IL23R: variants seen among roughly 807,000 people sequenced by gnomAD.
The protein encoded by IL23R is interleukin 23 receptor.
A neutral mutation model predicts 56.9 loss-of-function variants in IL23R; 34 were observed. That is an observed-to-expected ratio of 0.60 (90% CI 0.45 to 0.80). IL23R has a LOEUF of 0.80. IL23R is among the 30% of genes least tolerant of loss of function. The pLI is 0.00. For missense variants in IL23R, 635 were observed against 730.0 expected (o/e 0.87, Z 1.50); for synonymous variants, 230 against 249.2 (o/e 0.92, Z 0.73).
At chr1:67,182,637 A>G (rs1647165102) in intron 3 of IL23R, among the ~76,000 whole-genome samples, 199 bp from the exon 4 acceptor site, 1 of 152,084 alleles carries the variant, frequency 6.6e-6, no homozygotes, top group South Asian at 2.1e-4. Context: ...CACTGCACCC[A>G]CTGTCCCGCA....
intron 9 of IL23R, among the ~76,000 whole-genome samples, chr1:67,241,466 A>G (rs1364944777): frequency 6.6e-6 from 1 of 152,088 alleles, no homozygotes; most frequent in Non-Finnish European, 1.5e-5. Context: ...GTCCAAAACA[A>G]TGGCCTCCCA....
chr1:67,218,139 C>T (rs1413882696), intron 6 of IL23R, among the ~76,000 whole-genome samples: 3 of 151,908 alleles, frequency 2.0e-5, no homozygotes, highest in East Asian at 1.9e-4. Context: ...TTTTTCATTA[C>T]GTTTTATAGC....
intron 3 of IL23R, among the ~76,000 whole-genome samples, chr1:67,172,756 T>G (rs1400222170): frequency 6.6e-6 from 1 of 152,226 alleles, no homozygotes; most frequent in Non-Finnish European, 1.5e-5. Context: ...AACATTGCTA[T>G]TAAGTATGAT....
chr1:67,263,990 C>T (rs1279892393), downstream of IL23R, among the ~76,000 whole-genome samples: 1 of 152,210 alleles, frequency 6.6e-6, no homozygotes, highest in African/African-American at 2.4e-5. Flanking sequence ...CTTCTCCGCC[C>T]TTGCCTCTGA....
intron 5 of IL23R, among the ~76,000 whole-genome samples, chr1:67,206,510 C>T (rs1649071169): frequency 6.6e-6 from 1 of 152,090 alleles, no homozygotes; most frequent in Non-Finnish European, 1.5e-5. Flanking sequence ...ATCATCTGAA[C>T]TAAATTTGGG....
intron 6 of IL23R, among the ~76,000 whole-genome samples, chr1:67,211,496 G>T (rs550955591): frequency 1.2e-4 from 18 of 152,182 alleles, no homozygotes; most frequent in African/African-American, 4.1e-4. Context: ...GGTGGTGTGT[G>T]CCTGTAATCC....
At chr1:67,244,922 T>C (rs1391839221) in intron 9 of IL23R, among the ~76,000 whole-genome samples, 1 of 152,254 alleles carries the variant, frequency 6.6e-6, no homozygotes, top group Non-Finnish European at 1.5e-5. Context: ...ATTTTCATGA[T>C]ATTGATTCTT....
At chr1:67,202,335 G>A (rs1395616789) in intron 5 of IL23R, among the ~76,000 whole-genome samples, 1 of 152,116 alleles carries the variant, frequency 6.6e-6, no homozygotes, top group African/African-American at 2.4e-5. Flanking sequence ...CCTAGTAACT[G>A]GGACTACAGG....
At chr1:67,239,992 G>T (rs1651748626) in intron 8 of IL23R, among the ~76,000 whole-genome samples, 187 bp from the exon 9 acceptor site, 1 of 152,176 alleles carries the variant, frequency 6.6e-6, no homozygotes. Flanking sequence ...ACAAAAAGTT[G>T]TTTCCTGGGG....
At chr1:67,240,392 G>C in intron 9 of IL23R, 111 bp downstream of exon 9, 1 of 721,576 alleles carries the variant, frequency 1.4e-6, no homozygotes, top group Non-Finnish European at 2.5e-6. Context: ...TTTTTATTCA[G>C]ATAAAGGAAA....
At chr1:67,185,219 T>A (rs1400955621) in intron 4 of IL23R, among the ~76,000 whole-genome samples, 1 of 152,184 alleles carries the variant, frequency 6.6e-6, no homozygotes, top group Non-Finnish European at 1.5e-5. Flanking sequence ...GGTCAGGTAA[T>A]GAATGTATCC....
At position 67,211,966 on chromosome 1, in the gene IL23R, T is replaced by C. The variant is rs186922281; in HGVS notation, c.798+4911T>C. Among the ~76,000 whole-genome samples, 528 of 152,280 alleles carry C rather than the reference T, an allele frequency of 3.5e-3. 2 individuals are homozygous for C. The highest frequency in any genetic ancestry group is 0.012 in the African/African-American group (498 of 41,546). On this transcript the variant is annotated intron_variant, in intron 6 of 10. Coordinates refer to ENST00000347310, the MANE Select transcript of IL23R (RefSeq NM_144701.3). ...TAGCTCCATTATATAAATAGGGAAA[T>C]AGAGTTTGAAAGAAGTCAAGCCAGA...
rs750049819 is a variant in IL23R, at chr1:67,167,020, T to C, written c.-30+479T>C. ...ACTGATTAATCAAATAGTGTAACTCTAGTTGTAAACTAACAACGGTATTAT... is the reference window on the plus strand; with the variant it reads ...ACTGATTAATCAAATAGTGTAACTCCAGTTGTAAACTAACAACGGTATTAT... On this transcript the variant is annotated intron_variant, in intron 1 of 10. Transcript: ENST00000347310. 8.8e-4 allele frequency among the ~76,000 whole-genome samples: 134 copies of C among 152,358 alleles called. 2 individuals are homozygous for C. The highest frequency in any genetic ancestry group is 1.6e-3 in the Non-Finnish European group (108 of 68,034).
At chr1:67,191,664 T>C (rs534064308) in intron 4 of IL23R, among the ~76,000 whole-genome samples, 3 of 152,322 alleles carry the variant, frequency 2.0e-5, no homozygotes, top group East Asian at 3.8e-4. Flanking sequence ...TTCTCTCTTC[T>C]CTTTTATCTA....
chr1:67,256,989 A>G (rs1044912985), intron 10 of IL23R, among the ~76,000 whole-genome samples: 5 of 151,994 alleles, frequency 3.3e-5, no homozygotes, highest in African/African-American at 4.8e-5. Context: ...TACTCCAGCC[A>G]CTCCTCACGT....
chr1:67,229,839 A>G (rs1277704455), intron 7 of IL23R, among the ~76,000 whole-genome samples: 1 of 152,196 alleles, frequency 6.6e-6, no homozygotes, highest in East Asian at 1.9e-4. Context: ...TTGTCCTACT[A>G]CATCTCCCTA....
chr1:67,153,856 C>G (rs956211689), intron 1 of IL23R, among the ~76,000 whole-genome samples: 4 of 152,084 alleles, frequency 2.6e-5, no homozygotes, highest in Admixed American at 1.3e-4. Flanking sequence ...AGCTCCGCCT[C>G]CCAGGTTCAC....
chr1:67,195,561 T>C (rs10889668), intron 4 of IL23R, among the ~76,000 whole-genome samples: 136,665 of 152,194 alleles, frequency 0.9, 61,505 homozygotes, highest in East Asian at 0.97. Flanking sequence ...GTCTCTAAAA[T>C]CCAAGCCCTG....
chr1:67,243,331 G>C (rs1295949161), intron 9 of IL23R, among the ~76,000 whole-genome samples: 1 of 150,878 alleles, frequency 6.6e-6, no homozygotes, highest in Non-Finnish European at 1.5e-5. Flanking sequence ...TTCTTATACT[G>C]TAAGTTCTGG....
Sources: gnomAD v4.1 joint callset for allele counts (sites outside exome capture counted in the v4.1 genomes callset) on GRCh38, gnomAD v4.1.1 for gene constraint, MANE v1.5 for transcripts, NCBI Gene and HGNC (gene_info 2026-07-23, HGNC 2026-07-21) for gene names.